Variants in EPHA5 observed in about 807,000 individuals in gnomAD.
EPHA5 encodes EPH receptor A5.
EPHA5 carries 60 observed loss-of-function variants against 105.0 expected under a neutral mutation model. The ratio of observed to expected loss-of-function variants is 0.57; its 90% CI spans 0.46 to 0.71. The LOEUF is 0.71. Ranked by LOEUF, EPHA5 falls within the 30% of genes least tolerant of loss-of-function variation. The probability of loss-of-function intolerance (pLI) is 0.00; values close to 1 mark genes in which losing one functional copy is unlikely to be tolerated. For synonymous variants in EPHA5, 513 were observed against 449.1 expected (o/e 1.14, Z -1.80); for missense variants, 1,218 against 1,274.7 (o/e 0.96, Z 0.68).
intron 5 of EPHA5, among the ~76,000 whole-genome samples, chr4:65,438,254 T>C (rs1725672522): frequency 1.3e-5 from 2 of 152,094 alleles, no homozygotes; most frequent in Admixed American, 1.3e-4. Flanking sequence ...AAATGTTCAA[T>C]TGAAGCCAAG....
intron 5 of EPHA5, among the ~76,000 whole-genome samples, chr4:65,449,977 G>T (rs1326893515): frequency 6.6e-6 from 1 of 152,016 alleles, no homozygotes; most frequent in Non-Finnish European, 1.5e-5. Flanking sequence ...AATTTCTGTT[G>T]GCTAAACCAC....
intron 3 of EPHA5, among the ~76,000 whole-genome samples, chr4:65,500,148 C>G (rs1241640663): frequency 1.3e-5 from 2 of 150,898 alleles, no homozygotes; most frequent in Admixed American, 6.6e-5. Context: ...ATTTAAATAC[C>G]AATCCAAAAT....
chr4:65,590,600 G>T (rs182633921), intron 3 of EPHA5, among the ~76,000 whole-genome samples: 1 of 152,072 alleles, frequency 6.6e-6, no homozygotes, highest in Non-Finnish European at 1.5e-5. Context: ...GGCAATAATT[G>T]TACAATTTCC....
chr4:65,599,348 A>AAC (rs71657190), intron 3 of EPHA5, among the ~76,000 whole-genome samples: 9,445 of 148,500 alleles, frequency 0.064, 792 homozygotes, highest in African/African-American at 0.2. Context: ...GGCATTTTAT[A>AAC]ACACACACAC....
At chr4:65,394,320 G>A (rs1721002922) in intron 8 of EPHA5, among the ~76,000 whole-genome samples, 1 of 152,094 alleles carries the variant, frequency 6.6e-6, no homozygotes, top group African/African-American at 2.4e-5. Context: ...TTCAAAAGTT[G>A]AATAATCACA....
intron 3 of EPHA5, among the ~76,000 whole-genome samples, chr4:65,580,471 T>G (rs1019828026): frequency 1.3e-5 from 2 of 151,894 alleles, no homozygotes; most frequent in Non-Finnish European, 2.9e-5. Flanking sequence ...CTTCAGTGAC[T>G]GAAGACTATG....
At chr4:65,568,083 CTTG>C (rs1209692469) in intron 3 of EPHA5, among the ~76,000 whole-genome samples, 1 of 151,502 alleles carries the variant, frequency 6.6e-6, no homozygotes, top group Non-Finnish European at 1.5e-5. Context: ...AAGGCTCTCT[CTTG>C]TTTTGGGTAA....
At chr4:65,414,239 T>C (rs751536145) in intron 7 of EPHA5, 45 bp downstream of exon 7, 15 of 1,582,850 alleles carry the variant, frequency 9.5e-6, no homozygotes, top group African/African-American at 1.3e-5. Flanking sequence ...TCTTTTCTGG[T>C]AACCATTACT....
intron 5 of EPHA5, among the ~76,000 whole-genome samples, chr4:65,427,364 AG>A (rs1173537656): frequency 1.3e-5 from 2 of 151,826 alleles, no homozygotes; most frequent in African/African-American, 4.8e-5. Context: ...TTGTATTTTT[AG>A]TAGAGACAGG....
intron 7 of EPHA5, among the ~76,000 whole-genome samples, chr4:65,413,838 A>G (rs1363397148): frequency 1.3e-5 from 2 of 152,190 alleles, no homozygotes; most frequent in Non-Finnish European, 2.9e-5. Flanking sequence ...GAGATTTAAT[A>G]TATTTTATGA....
chr4:65,477,634 G>C (rs1052352180), intron 5 of EPHA5, among the ~76,000 whole-genome samples: 2 of 151,886 alleles, frequency 1.3e-5, no homozygotes, highest in Admixed American at 1.3e-4. Flanking sequence ...GGATGGTCTC[G>C]ATCTCTTGAC....
At chr4:65,579,377 A>AT (rs1560727039) in intron 3 of EPHA5, among the ~76,000 whole-genome samples, 19 of 92,306 alleles carry the variant, frequency 2.1e-4, no homozygotes, top group Admixed American at 6.7e-4. Flanking sequence ...TATATATATA[A>AT]ATATATATAT....
chr4:65,660,039 A>C (rs946829608), intron 1 of EPHA5, among the ~76,000 whole-genome samples: 3 of 152,000 alleles, frequency 2.0e-5, no homozygotes, highest in Non-Finnish European at 4.4e-5. Context: ...TTCTATACAG[A>C]CTCTACATAT....
At chr4:65,455,782 C>A (rs1727522682) in intron 5 of EPHA5, among the ~76,000 whole-genome samples, 1 of 152,114 alleles carries the variant, frequency 6.6e-6, no homozygotes, top group African/African-American at 2.4e-5. Context: ...CTCAATCTAA[C>A]CTTCATTGGC....
chr4:65,389,506 A>T (rs1057112772), intron 8 of EPHA5, among the ~76,000 whole-genome samples: 1 of 152,096 alleles, frequency 6.6e-6, no homozygotes, highest in African/African-American at 2.4e-5. Context: ...GATATTAATA[A>T]ATGTATTAAA....
At chr4:65,667,776 A>G (rs991850458) in intron 1 of EPHA5, among the ~76,000 whole-genome samples, 2 of 152,120 alleles carry the variant, frequency 1.3e-5, no homozygotes, top group African/African-American at 4.8e-5. Context: ...ATCTCCACCT[A>G]AGTTCTCCCC....
intron 5 of EPHA5, among the ~76,000 whole-genome samples, chr4:65,445,903 A>G (rs1326235977): frequency 6.6e-6 from 1 of 152,138 alleles, no homozygotes; most frequent in Non-Finnish European, 1.5e-5. Flanking sequence ...CTTCTTAAAT[A>G]CTGAGTTCAT....
intron 7 of EPHA5, among the ~76,000 whole-genome samples, chr4:65,410,987 C>T (rs553989531): frequency 3.3e-5 from 5 of 151,990 alleles, no homozygotes; most frequent in Non-Finnish European, 4.4e-5. Context: ...AAGGGTCTAA[C>T]GAGTTTGGCT....
At chr4:65,434,494 T>A (rs1175536579) in intron 5 of EPHA5, among the ~76,000 whole-genome samples, 1 of 152,182 alleles carries the variant, frequency 6.6e-6, no homozygotes, top group Non-Finnish European at 1.5e-5. Flanking sequence ...ATTTTAGGTA[T>A]ACATATCCAA....
Sources: allele counts gnomAD v4.1 joint callset (sites outside exome capture counted in the v4.1 genomes callset), GRCh38; gene constraint gnomAD v4.1.1; transcripts MANE v1.5; gene names NCBI Gene and HGNC (gene_info 2026-07-23, HGNC 2026-07-21).